The following TSPO variants were observed in gnomAD, a reference collection of about 807,000 sequenced individuals.
The protein encoded by TSPO is benzodiazepine peripheral binding site.
TSPO carries 14 observed loss-of-function variants against 13.9 expected under a neutral mutation model. That is an observed-to-expected ratio of 1.01 (90% confidence interval 0.67 to 1.58). The LOEUF (loss-of-function observed/expected upper bound fraction) is 1.58. TSPO is among the 40% of genes most tolerant of loss of function. TSPO has a pLI of 0.00. For synonymous variants in TSPO, 114 were observed against 105.9 expected, an observed-to-expected ratio of 1.08 and a Z score of -0.47; for missense variants, 232 against 229.6, an observed-to-expected ratio of 1.01 and a Z score of -0.07.
In TSPO at chr22:43,163,162, G is replaced by A. The variant is rs1931512201; in HGVS notation, c.*171G>A. ...ACCTGAGCCCCCACCCGGGAGCAGT[G>A]TCCTGTGCTTTCTGCATGCTTAGAG... On this transcript the variant is annotated 3_prime_UTR_variant, in exon 4 of 4. Transcript: ENST00000337554. The A allele has an allele frequency of 1.4e-6, 2 of 1,446,436 alleles. No homozygotes were observed. Among genetic ancestry groups the A allele is most frequent in the Non-Finnish European group, 1.8e-6 (2 of 1,103,322 alleles). The allele number at this position is 1,446,436 out of a possible 1,614,324, so 89.6% of individuals were successfully genotyped here.
intron 2 of TSPO, 79 bp downstream of exon 2, chr22:43,159,499 C>G: frequency 7.6e-7 from 1 of 1,319,784 alleles, no homozygotes; most frequent in Non-Finnish European, 9.8e-7. Context: ...AGGGTCTTCT[C>G]CAGGCGGGCC....
Position 43,162,902 on chromosome 22 carries a change from C to G in TSPO, c.421C>G (p.Leu141Val). The change falls in exon 4 of 4, where the codon CTG becomes GTG. Residue 141 changes from leucine to valine, a missense_variant. Coordinates refer to ENST00000337554, the MANE Select transcript of TSPO (RefSeq NM_000714.6). Reference sequence around the variant, plus strand: ...GGCCGCCCGCCTGCTCTACCCCTACCTGGCCTGGCTGGCCTTCACGACCAC... The same window carrying G: ...GGCCGCCCGCCTGCTCTACCCCTACGTGGCCTGGCTGGCCTTCACGACCAC... Reference protein sequence around the residue: ...PLAARLLYPYLAWLAFTTTLN... With the variant: ...PLAARLLYPYVAWLAFTTTLN... 6.3e-7 allele frequency: 1 copy of G among 1,589,236 alleles called. No homozygotes were observed. Among genetic ancestry groups the G allele is most frequent in the Non-Finnish European group, 8.6e-7 (1 of 1,168,396 alleles).
chr22:43,160,043 C>T (rs749680649), intron 2 of TSPO, among the ~76,000 whole-genome samples: 1 of 152,150 alleles, frequency 6.6e-6, no homozygotes, highest in Non-Finnish European at 1.5e-5. Flanking sequence ...GGTTCTGTGC[C>T]AGCGCAGTGC....
intron 1 of TSPO, among the ~76,000 whole-genome samples, chr22:43,157,547 G>A (rs949854641): frequency 6.6e-6 from 1 of 152,024 alleles, no homozygotes. Context: ...CCTTTAAAAC[G>A]TGCCGGGCGC....
intron 1 of TSPO, among the ~76,000 whole-genome samples, chr22:43,156,427 G>A (rs888659857): frequency 3.3e-5 from 5 of 151,568 alleles, no homozygotes; most frequent in Non-Finnish European, 7.4e-5. Flanking sequence ...AGAACATGGC[G>A]CTCAGTGAAG....
At chr22:43,160,285 G>T (rs1931394152) in intron 2 of TSPO, among the ~76,000 whole-genome samples, 1 of 152,092 alleles carries the variant, frequency 6.6e-6, no homozygotes, top group African/African-American at 2.4e-5. Context: ...GAAATTTTGG[G>T]GCTCCCTGTG....
chr22:43,157,917 C>T (rs1382698977), intron 1 of TSPO, among the ~76,000 whole-genome samples: 2 of 152,214 alleles, frequency 1.3e-5, no homozygotes, highest in East Asian at 1.9e-4. Flanking sequence ...CTGCTTTCTT[C>T]GTGTTATGTT....
chr22:43,161,427 G>C (rs1274387856), intron 3 of TSPO, among the ~76,000 whole-genome samples: 2 of 152,054 alleles, frequency 1.3e-5, no homozygotes, highest in Non-Finnish European at 2.9e-5. Flanking sequence ...CACTGTGTAG[G>C]AAAACCCACA....
At chr22:43,152,860 G>A (rs985236792) in intron 1 of TSPO, among the ~76,000 whole-genome samples, 6 of 152,212 alleles carry the variant, frequency 3.9e-5, no homozygotes, top group Non-Finnish European at 7.3e-5. Flanking sequence ...GTGTCCTGTC[G>A]TCTGTACACA....
intron 1 of TSPO, 45 bp from the exon 2 acceptor site, chr22:43,159,165 C>T (rs940847568): frequency 2.1e-6 from 3 of 1,400,706 alleles, no homozygotes; most frequent in Admixed American, 2.8e-5. Context: ...GGCCTGACCC[C>T]ATGGCCTCAG....
In TSPO at chr22:43,162,153, G is replaced by A. The variant is rs530262987; in HGVS notation, c.322-650G>A. On this transcript the variant is annotated intron_variant, in intron 3 of 3. Transcript: ENST00000337554. ...TTTTTTTTTTTTGAGACGGAGTCTC[G>A]CTCTGTTGCCCAGGCTGGAGTGCAG... Among the ~76,000 whole-genome samples the A allele has an allele frequency of 1.7e-4, 25 of 143,422 alleles. No individual in the cohort carries two copies. The East Asian group carries it at 5.1e-3, about 29-fold the overall frequency. 94.1% of individuals were successfully genotyped at this position (143,422 alleles called of 152,430 possible).
Position 43,159,440 on chromosome 22 carries a change from C to G in TSPO, c.182+20C>G. On this transcript the variant is annotated intron_variant, in intron 2 of 3. Coordinates refer to ENST00000337554, the MANE Select transcript of TSPO (RefSeq NM_000714.6). Reference sequence around the variant, plus strand: ...CATGGGGTAGGTGGGCGTGCACTGGCCTGGGGATAAGCCTGGCCCTTTGCA... The same window carrying G: ...CATGGGGTAGGTGGGCGTGCACTGGGCTGGGGATAAGCCTGGCCCTTTGCA... The G allele has an allele frequency of 6.7e-7, 1 of 1,482,376 alleles. No individual in the cohort carries two copies. The allele number at this position is 1,482,376 out of a possible 1,614,324, so 91.8% of individuals were successfully genotyped here.
At chr22:43,158,129 A>G (rs1337703419) in intron 1 of TSPO, among the ~76,000 whole-genome samples, 1 of 152,162 alleles carries the variant, frequency 6.6e-6, no homozygotes, top group African/African-American at 2.4e-5. Flanking sequence ...AGTTCAGCAC[A>G]GTCTCTGCTG....
intron 1 of TSPO, among the ~76,000 whole-genome samples, chr22:43,157,018 G>A (rs114219847): frequency 1.2e-3 from 189 of 152,322 alleles, no homozygotes; most frequent in African/African-American, 4.4e-3. Context: ...GGCTCCAGCA[G>A]AGCAGCGGTT....
At chr22:43,161,782 G>GT (rs1931448996) in intron 3 of TSPO, among the ~76,000 whole-genome samples, 1 of 152,094 alleles carries the variant, frequency 6.6e-6, no homozygotes, top group Admixed American at 6.6e-5. Flanking sequence ...GATTACAGGT[G>GT]TAAGCCACCG....
chr22:43,162,427 C>G (rs577847887), intron 3 of TSPO, among the ~76,000 whole-genome samples: 1 of 152,292 alleles, frequency 6.6e-6, no homozygotes, highest in African/African-American at 2.4e-5. Flanking sequence ...TGACAAATAG[C>G]AAGTTTTTGT....
chr22:43,157,357 G>A (rs561728652), intron 1 of TSPO, among the ~76,000 whole-genome samples: 19 of 151,862 alleles, frequency 1.3e-4, no homozygotes, highest in Admixed American at 7.2e-4. Context: ...GTTTCTTGCC[G>A]GGACATAGGT....
intron 1 of TSPO, among the ~76,000 whole-genome samples, chr22:43,156,767 C>T (rs762365896): frequency 1.2e-4 from 19 of 152,150 alleles, no homozygotes; most frequent in Non-Finnish European, 1.8e-4. Flanking sequence ...CACCAGCTTC[C>T]ATGTCGTATC....
chr22:43,160,439 A>G (rs1931398828), intron 2 of TSPO, among the ~76,000 whole-genome samples: 1 of 152,230 alleles, frequency 6.6e-6, no homozygotes, highest in Non-Finnish European at 1.5e-5. Context: ...GGGTGCTGAT[A>G]CTGCCTGCCT....
Sources: allele counts gnomAD v4.1 joint callset (sites outside exome capture counted in the v4.1 genomes callset), GRCh38; gene constraint gnomAD v4.1.1; transcripts MANE v1.5; gene names NCBI Gene and HGNC (gene_info 2026-07-23, HGNC 2026-07-21).